The following TEAD1 variants were observed in gnomAD, a reference collection of about 807,000 sequenced individuals.
The protein encoded by TEAD1 is transcriptional enhancer factor TEF-1.
TEAD1 carries 9 observed loss-of-function variants against 54.9 expected under a neutral mutation model. That is an observed-to-expected ratio of 0.16 (90% CI 0.10 to 0.29). TEAD1 has a LOEUF of 0.29. Ranked by LOEUF, TEAD1 falls within the 10% of genes least tolerant of loss-of-function variation. The pLI, the probability that TEAD1 is intolerant of heterozygous loss-of-function variation, is 1.00. For synonymous variants in TEAD1, 200 were observed against 187.8 expected (o/e 1.07, Z -0.53); for missense variants, 387 against 535.9 (o/e 0.72, Z 2.74).
intron 2 of TEAD1, among the ~76,000 whole-genome samples, chr11:12,714,563 T>G (rs76848255): frequency 3.1e-4 from 47 of 152,304 alleles, no homozygotes; most frequent in Middle Eastern, 3.4e-3. Flanking sequence ...ACTGAAGATA[T>G]AGTGAAAGAC....
intron 10 of TEAD1, among the ~76,000 whole-genome samples, chr11:12,917,519 AAT>A (rs1315629814): frequency 7.9e-5 from 12 of 152,228 alleles, no homozygotes; most frequent in Admixed American, 3.3e-4. Context: ...GCTGTCTGGC[AAT>A]ATTATTATTA....
intron 5 of TEAD1, among the ~76,000 whole-genome samples, chr11:12,866,995 A>G (rs562833970): frequency 6.6e-6 from 1 of 152,226 alleles, no homozygotes; most frequent in South Asian, 2.1e-4. Context: ...TAAGTTTGGC[A>G]ATTGAAAGAG....
intron 3 of TEAD1, among the ~76,000 whole-genome samples, chr11:12,793,562 T>C (rs1945851260): frequency 6.6e-6 from 1 of 152,220 alleles, no homozygotes; most frequent in African/African-American, 2.4e-5. Flanking sequence ...TCCTTTAGAG[T>C]ATTGTCTGTC....
At chr11:12,742,370 C>T (rs553005679) in intron 2 of TEAD1, among the ~76,000 whole-genome samples, 3 of 152,172 alleles carry the variant, frequency 2.0e-5, no homozygotes, top group East Asian at 1.9e-4. Flanking sequence ...AAGTAAAGTT[C>T]TGGACTCTAA....
chr11:12,869,179 C>A (rs1453641047), intron 5 of TEAD1, among the ~76,000 whole-genome samples: 2 of 152,118 alleles, frequency 1.3e-5, no homozygotes, highest in Admixed American at 6.5e-5. Flanking sequence ...GGGGTTCATT[C>A]AAATTTACCC....
intron 2 of TEAD1, among the ~76,000 whole-genome samples, chr11:12,698,979 T>C (rs1943641834): frequency 6.6e-6 from 1 of 152,234 alleles, no homozygotes; most frequent in South Asian, 2.1e-4. Flanking sequence ...AGTTTCTATG[T>C]TTTTTATTTG....
At chr11:12,775,877 A>G (rs897302633) in intron 3 of TEAD1, among the ~76,000 whole-genome samples, 2 of 152,242 alleles carry the variant, frequency 1.3e-5, no homozygotes, top group Non-Finnish European at 2.9e-5. Flanking sequence ...GGTTCTGAGT[A>G]AAGGATATTC....
intron 3 of TEAD1, among the ~76,000 whole-genome samples, chr11:12,775,742 T>C (rs1564935486): frequency 6.6e-6 from 1 of 152,100 alleles, no homozygotes; most frequent in Non-Finnish European, 1.5e-5. Context: ...CACAGGGAGA[T>C]GGGATTATAG....
intron 3 of TEAD1, among the ~76,000 whole-genome samples, chr11:12,768,144 A>C (rs148993879): frequency 9.4e-4 from 143 of 152,318 alleles, no homozygotes; most frequent in Non-Finnish European, 1.6e-3. Context: ...GAGGCAGAGA[A>C]GTATATAACA....
chr11:12,696,510 A>G (rs182357043), intron 2 of TEAD1, among the ~76,000 whole-genome samples: 129 of 152,350 alleles, frequency 8.5e-4, no homozygotes, highest in Non-Finnish European at 1.4e-3. Flanking sequence ...CAAGAGACCA[A>G]GGGAATAGTC....
chr11:12,689,178 C>G (rs907311234), intron 2 of TEAD1, among the ~76,000 whole-genome samples: 1 of 152,146 alleles, frequency 6.6e-6, no homozygotes, highest in Non-Finnish European at 1.5e-5. Context: ...CTGCTCTTAT[C>G]ACTTTAAGAT....
intron 2 of TEAD1, among the ~76,000 whole-genome samples, chr11:12,704,478 G>C (rs1943770740): frequency 1.3e-5 from 2 of 152,220 alleles, no homozygotes; most frequent in Admixed American, 1.3e-4. Flanking sequence ...TGCCACTCCT[G>C]ACGTTCCCCA....
chr11:12,760,043 A>G (rs1039198247), intron 2 of TEAD1, among the ~76,000 whole-genome samples: 1 of 152,192 alleles, frequency 6.6e-6, no homozygotes, highest in Admixed American at 6.5e-5. Flanking sequence ...ACCAATTTAC[A>G]TTTTCTATGC....
At chr11:12,704,958 C>G (rs535719105) in intron 2 of TEAD1, among the ~76,000 whole-genome samples, 1 of 152,332 alleles carries the variant, frequency 6.6e-6, no homozygotes, top group South Asian at 2.1e-4. Flanking sequence ...GTATGCCCAA[C>G]TCTGTGCTTT....
At chr11:12,916,579 A>C (rs1298258206) in intron 10 of TEAD1, among the ~76,000 whole-genome samples, 1 of 152,194 alleles carries the variant, frequency 6.6e-6, no homozygotes, top group Non-Finnish European at 1.5e-5. Flanking sequence ...ATCTCCTCAT[A>C]TTACCACCGT....
chr11:12,893,432 A>T (rs4757965), intron 9 of TEAD1, among the ~76,000 whole-genome samples: 19 of 152,190 alleles, frequency 1.2e-4, no homozygotes, highest in African/African-American at 3.9e-4. Context: ...CTGTGTTTCT[A>T]AGATGCTCTG....
chr11:12,751,325 G>A (rs959817867), intron 2 of TEAD1, among the ~76,000 whole-genome samples: 1 of 151,838 alleles, frequency 6.6e-6, no homozygotes, highest in Non-Finnish European at 1.5e-5. Flanking sequence ...TAAAGGCATG[G>A]GCCCAAACCT....
At chr11:12,768,452 C>G (rs915230018) in intron 3 of TEAD1, among the ~76,000 whole-genome samples, 1 of 152,230 alleles carries the variant, frequency 6.6e-6, no homozygotes, top group Non-Finnish European at 1.5e-5. Context: ...GCTCCACATA[C>G]AATTCTGTCT....
At position 12,892,796 on chromosome 11, in the gene TEAD1, C is replaced by T. The variant is rs553543083; in HGVS notation, c.700-9144C>T. Reference sequence around the variant, plus strand: ...CCTAGTTTTATAGTGGCTGCTGAGGCAGTTGCTCCATCTTGGGGTGGAGAA... The same window carrying T: ...CCTAGTTTTATAGTGGCTGCTGAGGTAGTTGCTCCATCTTGGGGTGGAGAA... On this transcript the variant is annotated intron_variant, in intron 9 of 12. Coordinates refer to ENST00000527636, the MANE Select transcript of TEAD1 (RefSeq NM_021961.6). Among the ~76,000 whole-genome samples the T allele has an allele frequency of 1.7e-4, 26 of 152,294 alleles. No homozygotes were observed. In the South Asian group the frequency reaches 5.0e-3, roughly 29 times the overall value.
Sources: gnomAD v4.1 joint callset for allele counts (sites outside exome capture counted in the v4.1 genomes callset) on GRCh38, gnomAD v4.1.1 for gene constraint, MANE v1.5 for transcripts, NCBI Gene and HGNC (gene_info 2026-07-23, HGNC 2026-07-21) for gene names.